Variants in CCDC39 observed in about 807,000 individuals in gnomAD.
CCDC39 encodes coiled-coil domain-containing protein 39.
Under a neutral mutation model 121.0 loss-of-function variants are expected in CCDC39, and 113 were observed. The ratio of observed to expected loss-of-function variants is 0.93; its 90% CI spans 0.80 to 1.09. The LOEUF is 1.09. Ranked by LOEUF, CCDC39 falls within the 50% of genes least tolerant of loss-of-function variation. The probability of loss-of-function intolerance (pLI) is 0.00; values close to 1 mark genes in which losing one functional copy is unlikely to be tolerated. For synonymous variants in CCDC39, 349 were observed against 352.2 expected, an observed-to-expected ratio of 0.99 and a Z score of 0.10; for missense variants, 1,063 against 1,074.7, an observed-to-expected ratio of 0.99 and a Z score of 0.15.
rs764617529 is a variant in CCDC39 at position 180,619,932 on chromosome 3, G to C, written c.2037C>G (p.Asp679Glu). 9.9e-6 allele frequency: 16 copies of C among 1,609,284 alleles called. No homozygotes were observed. The highest frequency in any genetic ancestry group is 1.4e-5 in the Non-Finnish European group (16 of 1,177,668). The change falls in exon 15 of 20, where the codon GAC becomes GAG. Residue 679 changes from aspartate (D) to glutamate (E), a missense_variant. By Grantham distance (45) the Asp-to-Glu change is conservative. Coordinates refer to ENST00000476379, the MANE Select transcript of CCDC39 (RefSeq NM_181426.2). ...QEKEELQREG[D>E]CLDAKINKAE... is the part of the protein sequence containing the mutation. ...CTTTGTTGATCTTGGCATCCAAACA[G>C]TCACCTTCCCTTTGAAGTTCTTCTT... is the stretch of plus-strand genomic sequence containing the variant.
At position 180,652,032 on chromosome 3, in the gene CCDC39, C is replaced by G. The variant is rs922862270; in HGVS notation, c.1034+131G>C. On this transcript the variant is annotated intron_variant, in intron 8 of 19. Transcript: ENST00000476379. ...AGCCTGGGCAACAAAGCAAGACTCC[C>G]TCTCAAAAAAAAAAAAAGTAGTAGC... 1.3e-5 allele frequency: 7 copies of G among 558,654 alleles called. No homozygotes were observed. In the Admixed American group the frequency reaches 1.4e-4, roughly 11 times the overall value. The allele number at this position is 558,654 out of a possible 1,614,324, so 34.6% of individuals were successfully genotyped here.
chr3:180,654,718 A>C (rs767561616), intron 7 of CCDC39, 44 bp downstream of exon 7: 1 of 1,324,354 alleles, frequency 7.6e-7, no homozygotes, highest in Non-Finnish European at 1.0e-6. Context: ...TTTTATAGTG[A>C]TTTGTCGTGA....
In CCDC39 at chr3:180,614,949, TTAC is replaced by T. The variant is rs759348071; in HGVS notation, c.2795_2797del (p.Ser932del). 6.4e-7 allele frequency: 1 copy of T among 1,566,452 alleles called. No homozygotes were observed. Among genetic ancestry groups the T allele is most frequent in the South Asian group, 1.2e-5 (1 of 85,110 alleles). On this transcript the variant is annotated inframe_deletion, in exon 20 of 20. Transcript: ENST00000476379. ...TTTGCTGCTCTTTTTGCTCTTAACATTACTAGAGCTACTACTAGCACTAGATGG... is the reference window on the plus strand; with the variant it reads ...TTTGCTGCTCTTTTTGCTCTTAACATTAGAGCTACTACTAGCACTAGATGG...
chr3:180,641,496 T>C (rs1717954088), intron 13 of CCDC39, among the ~76,000 whole-genome samples: 1 of 151,992 alleles, frequency 6.6e-6, no homozygotes, highest in African/African-American at 2.4e-5. Context: ...TGAAATACAG[T>C]ATATAGAAAA....
intron 1 of CCDC39, among the ~76,000 whole-genome samples, chr3:180,678,981 C>G (rs2108438653): frequency 6.6e-6 from 1 of 152,204 alleles, no homozygotes; most frequent in Admixed American, 6.5e-5. Flanking sequence ...AAGCGGGCGC[C>G]GGAACCAGCC....
At chr3:180,676,664 A>AAT (rs1712216096) in intron 1 of CCDC39, among the ~76,000 whole-genome samples, 1 of 152,170 alleles carries the variant, frequency 6.6e-6, no homozygotes, top group Non-Finnish European at 1.5e-5. Context: ...AAGGAATATA[A>AAT]ATCATGCTGC....
chr3:180,667,544 A>C (rs1034999027), intron 1 of CCDC39, among the ~76,000 whole-genome samples: 15 of 152,060 alleles, frequency 9.9e-5, no homozygotes, highest in African/African-American at 3.6e-4. Flanking sequence ...CGATGTTACT[A>C]TTGTGATTGT....
intron 14 of CCDC39, among the ~76,000 whole-genome samples, chr3:180,627,431 T>C (rs1250605652): frequency 6.6e-6 from 1 of 152,196 alleles, no homozygotes. Flanking sequence ...ATTTTTCAAA[T>C]GAAGGAGTTG....
rs1718121525 is a variant in CCDC39, at chr3:180,648,321, C to T, written c.1206G>A (p.Leu402=). Reference sequence around the variant, plus strand: ...TCTGTAACTCCTGAGCTTTCTTAAACAGCACACCTTTTATGAGGTTCAGTT... The same window carrying T: ...TCTGTAACTCCTGAGCTTTCTTAAATAGCACACCTTTTATGAGGTTCAGTT... ...DVQLNLIKGV[L]FKKAQELQTE... The change falls in exon 10 of 20, where the codon CTG becomes CTA. Residue 402 remains leucine (L), a synonymous_variant. Transcript: ENST00000476379. The T allele has an allele frequency of 3.1e-6, 5 of 1,602,938 alleles. No individual in the cohort carries two copies. The East Asian group carries it at 1.1e-4, about 36-fold the overall frequency.
intron 1 of CCDC39, among the ~76,000 whole-genome samples, chr3:180,676,281 C>T (rs1219816889): frequency 6.6e-6 from 1 of 152,150 alleles, no homozygotes; most frequent in Non-Finnish European, 1.5e-5. Flanking sequence ...CTACAAAGAA[C>T]TCAAACAAAT....
In CCDC39 at chr3:180,616,627, G is replaced by C. The variant is rs1461379128; in HGVS notation, c.2475C>G (p.Asp825Glu). The C allele has an allele frequency of 6.3e-7, 1 of 1,595,798 alleles. No individual in the cohort carries two copies. Among genetic ancestry groups the C allele is most frequent in the Non-Finnish European group, 8.5e-7 (1 of 1,170,440 alleles). ...ACTGTTTCATTTCACGAAGTTTGAT[G>C]TCTTGTTCTTCCATTGTTTCATCTT... is the stretch of plus-strand genomic sequence containing the variant. ...DTKDETMEEQDIKLREMKQFH... is the reference protein window; with the variant it reads ...DTKDETMEEQEIKLREMKQFH... Residue 825 changes from aspartate to glutamate, a missense_variant, in exon 18 of 20, where the codon GAC becomes GAG. Physicochemically the swap from Asp to Glu is conservative, Grantham distance 45. Transcript: ENST00000476379.
At chr3:180,677,580 T>C (rs1049139549) in intron 1 of CCDC39, among the ~76,000 whole-genome samples, 3 of 152,094 alleles carry the variant, frequency 2.0e-5, no homozygotes, top group African/African-American at 7.2e-5. Context: ...AATTTTTTCT[T>C]AACTTAGAGG....
chr3:180,651,915 T>G (rs1711500457), intron 8 of CCDC39, among the ~76,000 whole-genome samples: 1 of 151,942 alleles, frequency 6.6e-6, no homozygotes, highest in African/African-American at 2.4e-5. Flanking sequence ...CGGGCACCTG[T>G]AGTCCCAGCT....
At chr3:180,635,123 C>T (rs1198554191) in intron 13 of CCDC39, among the ~76,000 whole-genome samples, 1 of 152,168 alleles carries the variant, frequency 6.6e-6, no homozygotes, top group Non-Finnish European at 1.5e-5. Context: ...CTTTACAAGG[C>T]AGCAGGAGAA....
chr3:180,635,327 C>G (rs112520241), intron 13 of CCDC39, among the ~76,000 whole-genome samples: 25 of 152,208 alleles, frequency 1.6e-4, no homozygotes, highest in African/African-American at 5.8e-4. Flanking sequence ...TCCCAAATCT[C>G]ATGTCCTCAC....
chr3:180,658,163 C>T (rs1184235101), intron 6 of CCDC39, among the ~76,000 whole-genome samples: 4 of 150,564 alleles, frequency 2.7e-5, no homozygotes, highest in South Asian at 4.2e-4. Context: ...TGCTTGAATC[C>T]GGGAGGCAGA....
chr3:180,659,781 T>C lies in CCDC39; in HGVS notation c.517-12A>G. ...TGCAGAGTCAGTGCCTATGATGTAA[T>C]TATATACAGATACTTATAATTCTCA... On this transcript the variant is annotated splice_polypyrimidine_tract_variant and intron_variant, in intron 4 of 19. Coordinates refer to ENST00000476379, the MANE Select transcript of CCDC39 (RefSeq NM_181426.2). 1 of 1,534,414 alleles carries C rather than the reference T, an allele frequency of 6.5e-7. No homozygotes were observed. Among genetic ancestry groups the C allele is most frequent in the Non-Finnish European group, 9.0e-7 (1 of 1,116,176 alleles).
chr3:180,652,273 A>C lies in CCDC39; in HGVS notation c.931-7T>G. Reference sequence around the variant, plus strand: ...TGGCTTTTAAAGAATCCAGCTATTTATTAGTTAACAGACAGAAATTATATA... The same window carrying C: ...TGGCTTTTAAAGAATCCAGCTATTTCTTAGTTAACAGACAGAAATTATATA... On this transcript the variant is annotated splice_region_variant and splice_polypyrimidine_tract_variant and intron_variant, in intron 7 of 19. Transcript: ENST00000476379. The C allele has an allele frequency of 7.0e-7, 1 of 1,434,140 alleles. No individual in the cohort carries two copies. Among genetic ancestry groups the C allele is most frequent in the Non-Finnish European group, 9.4e-7 (1 of 1,060,856 alleles). The allele number at this position is 1,434,140 out of a possible 1,614,324, so 88.8% of individuals were successfully genotyped here.
chr3:180,620,485 A>C (rs1717403967), intron 14 of CCDC39, among the ~76,000 whole-genome samples: 1 of 152,066 alleles, frequency 6.6e-6, no homozygotes, highest in African/African-American at 2.4e-5. Flanking sequence ...ATGAATTGCT[A>C]AAGGCCAAAA....
Sources: allele counts gnomAD v4.1 joint callset (sites outside exome capture counted in the v4.1 genomes callset), GRCh38; gene constraint gnomAD v4.1.1; transcripts MANE v1.5; gene names NCBI Gene and HGNC (gene_info 2026-07-23, HGNC 2026-07-21).